The following LOC128462377 variants were observed in gnomAD, a reference collection of about 807,000 sequenced individuals.
chr16:89,393,887 C>G, the LOC128462377 span, among the ~76,000 whole-genome samples: 1 of 152,062 alleles, frequency 6.6e-6, no homozygotes, highest in African/African-American at 2.4e-5. Flanking sequence ...GAAAATGTGT[C>G]AAAAAACAAA....
chr16:89,371,556 G>A, the LOC128462377 span, among the ~76,000 whole-genome samples: 3 of 152,260 alleles, frequency 2.0e-5, no homozygotes, highest in African/African-American at 4.8e-5. Flanking sequence ...CTCAGATTCC[G>A]CCATGCTGCA....
the LOC128462377 span, among the ~76,000 whole-genome samples, chr16:89,327,947 C>T: frequency 6.6e-6 from 1 of 152,164 alleles, no homozygotes; most frequent in Non-Finnish European, 1.5e-5. Flanking sequence ...AGTGAAAAGA[C>T]AAACTGCAGA....
the LOC128462377 span, among the ~76,000 whole-genome samples, chr16:89,325,798 G>C: frequency 6.6e-6 from 1 of 152,216 alleles, no homozygotes; most frequent in Non-Finnish European, 1.5e-5. Flanking sequence ...CAAGGCCTCA[G>C]AGGTGTCACT....
At chr16:89,340,156 A>C in the LOC128462377 span, among the ~76,000 whole-genome samples, 1 of 152,272 alleles carries the variant, frequency 6.6e-6, no homozygotes, top group Admixed American at 6.5e-5. Context: ...CTAGAAATGG[A>C]ATTTCTAGCA....
chr16:89,324,801 T>A, the LOC128462377 span: 1 of 291,668 alleles, frequency 3.4e-6, no homozygotes, highest in Non-Finnish European at 6.7e-6. Flanking sequence ...TCCCGACTTT[T>A]GAGGTTTGGG....
chr16:89,377,823 A>G, the LOC128462377 span, among the ~76,000 whole-genome samples: 1 of 151,920 alleles, frequency 6.6e-6, no homozygotes, highest in Non-Finnish European at 1.5e-5. Flanking sequence ...GTTACACCAA[A>G]TGCGCCTGCC....
chr16:89,402,450 C>T, the LOC128462377 span, among the ~76,000 whole-genome samples: 2 of 151,958 alleles, frequency 1.3e-5, no homozygotes, highest in African/African-American at 4.8e-5. Flanking sequence ...GAAGCCGAGG[C>T]GGGAAGATCG....
At chr16:89,334,465 T>C in the LOC128462377 span, among the ~76,000 whole-genome samples, 4 of 152,142 alleles carry the variant, frequency 2.6e-5, no homozygotes, top group Non-Finnish European at 5.9e-5. Flanking sequence ...ACTGCTCTGC[T>C]TCCTCTCACA....
the LOC128462377 span, among the ~76,000 whole-genome samples, chr16:89,335,048 C>T: frequency 1.3e-5 from 2 of 152,156 alleles, no homozygotes; most frequent in South Asian, 2.1e-4. Flanking sequence ...ATTTCCTCCA[C>T]GGATGTTATA....
the LOC128462377 span, among the ~76,000 whole-genome samples, chr16:89,391,293 G>C: frequency 6.6e-6 from 1 of 151,984 alleles, no homozygotes; most frequent in African/African-American, 2.4e-5. Flanking sequence ...ATTCAGGGCA[G>C]GTCGCTGAGA....
chr16:89,372,200 G>A, the LOC128462377 span, among the ~76,000 whole-genome samples: 6 of 152,200 alleles, frequency 3.9e-5, no homozygotes, highest in Admixed American at 2.0e-4. Flanking sequence ...GGCAGCGCAC[G>A]GCAAGATGGA....
the LOC128462377 span, among the ~76,000 whole-genome samples, chr16:89,328,166 C>T: frequency 0.012 from 1,888 of 152,152 alleles, 36 homozygotes; most frequent in African/African-American, 0.042. Context: ...TTACTGCACA[C>T]CAATCGGAAC....
chr16:89,378,726 T>C, the LOC128462377 span, among the ~76,000 whole-genome samples: 1 of 152,164 alleles, frequency 6.6e-6, no homozygotes, highest in Non-Finnish European at 1.5e-5. Context: ...ATTACAGGTG[T>C]GTGCCACCAT....
At chr16:89,366,378 G>A in the LOC128462377 span, among the ~76,000 whole-genome samples, 5 of 152,114 alleles carry the variant, frequency 3.3e-5, no homozygotes, top group Non-Finnish European at 7.3e-5. Context: ...TGGTAGTTCT[G>A]GTTTTAGCTC....
the LOC128462377 span, among the ~76,000 whole-genome samples, chr16:89,388,255 C>G: frequency 4.0e-5 from 6 of 148,510 alleles, no homozygotes; most frequent in African/African-American, 1.5e-4. Context: ...AGGGCCCACG[C>G]GGGTGGTGCC....
At chr16:89,355,738 C>T in the LOC128462377 span, among the ~76,000 whole-genome samples, 11 of 152,222 alleles carry the variant, frequency 7.2e-5, no homozygotes, top group African/African-American at 2.7e-4. Flanking sequence ...ATCCACCCGT[C>T]GAGGGCAGGT....
At chr16:89,417,419 A>C in the LOC128462377 span, among the ~76,000 whole-genome samples, 2 of 152,224 alleles carry the variant, frequency 1.3e-5, no homozygotes, top group East Asian at 3.8e-4. Context: ...ATAACCTGCC[A>C]GTTCACCATG....
the LOC128462377 span, among the ~76,000 whole-genome samples, chr16:89,346,054 C>T: frequency 6.6e-6 from 1 of 150,962 alleles, no homozygotes; most frequent in African/African-American, 2.4e-5. Flanking sequence ...CCAGGCTGGC[C>T]AACATGGAAT....
the LOC128462377 span, among the ~76,000 whole-genome samples, chr16:89,362,133 T>C: frequency 7.2e-5 from 11 of 152,378 alleles, no homozygotes; most frequent in African/African-American, 2.6e-4. Context: ...CAATCTGACA[T>C]GTGGCTTAAC....
Sources: allele counts gnomAD v4.1 joint callset (sites outside exome capture counted in the v4.1 genomes callset), GRCh38; gene constraint gnomAD v4.1.1; transcripts MANE v1.5.